Variants in DNAH7 observed in about 807,000 individuals in gnomAD.
The protein encoded by DNAH7 is dynein axonemal heavy chain 7.
DNAH7 carries 397 observed loss-of-function variants against 444.6 expected under a neutral mutation model. The ratio of observed to expected loss-of-function variants is 0.89; its 90% CI spans 0.82 to 0.97. DNAH7 has a LOEUF of 0.97. DNAH7 is among the 50% of genes least tolerant of loss of function. The pLI is 0.00. For synonymous variants in DNAH7, 1,636 were observed against 1,624.4 expected (o/e 1.01, Z -0.17); for missense variants, 4,902 against 4,800.8 (o/e 1.02, Z -0.62).
intron 58 of DNAH7, among the ~76,000 whole-genome samples, chr2:195,786,129 GTATT>G (rs1166191671): frequency 6.6e-6 from 1 of 152,146 alleles, no homozygotes; most frequent in Non-Finnish European, 1.5e-5. Context: ...TGAACTCTCA[GTATT>G]TATTTTGTTC....
chr2:196,061,283 A>G (rs1291550251), intron 1 of DNAH7, among the ~76,000 whole-genome samples: 3 of 151,976 alleles, frequency 2.0e-5, no homozygotes, highest in African/African-American at 4.8e-5. Context: ...ATCCAGCCCA[A>G]ATATTTTAAA....
At chr2:195,957,200 G>GA in intron 19 of DNAH7, 61 bp downstream of exon 19, 1 of 1,384,370 alleles carries the variant, frequency 7.2e-7, no homozygotes, top group Non-Finnish European at 9.6e-7. Context: ...ATGGATTTCT[G>GA]AAAACAAAAA....
At chr2:195,758,832 A>C (rs990924315) in intron 61 of DNAH7, among the ~76,000 whole-genome samples, 15 of 152,216 alleles carry the variant, frequency 9.9e-5, no homozygotes, top group South Asian at 4.1e-4. Flanking sequence ...CCTGTGAAAG[A>C]AGCATTTAGA....
At chr2:195,934,549 T>G (rs1278841698) in intron 21 of DNAH7, 42 bp downstream of exon 21, 7 of 1,574,272 alleles carry the variant, frequency 4.4e-6, no homozygotes, top group Non-Finnish European at 5.2e-6. Flanking sequence ...AACATTCATA[T>G]TCTAGCATCC....
intron 46 of DNAH7, among the ~76,000 whole-genome samples, chr2:195,849,819 T>C (rs1274312893): frequency 6.6e-6 from 1 of 152,054 alleles, no homozygotes; most frequent in East Asian, 1.9e-4. Flanking sequence ...CCTAGGCTGG[T>C]CTCAAACTCC....
At chr2:195,944,142 T>A (rs936371177) in intron 19 of DNAH7, among the ~76,000 whole-genome samples, 3 of 151,754 alleles carry the variant, frequency 2.0e-5, no homozygotes, top group Admixed American at 6.6e-5. Flanking sequence ...AATATAATTA[T>A]TGAAGTTATG....
At chr2:195,840,660 G>A (rs1162432713) in intron 47 of DNAH7, among the ~76,000 whole-genome samples, 3 of 151,868 alleles carry the variant, frequency 2.0e-5, no homozygotes, top group African/African-American at 4.8e-5. Context: ...TAAAGCTACA[G>A]GGTAAAAAGT....
At chr2:195,930,456 A>G (rs2125388186) in intron 21 of DNAH7, among the ~76,000 whole-genome samples, 1 of 152,338 alleles carries the variant, frequency 6.6e-6, no homozygotes, top group Non-Finnish European at 1.5e-5. Context: ...CAGAAAATAT[A>G]AATCAGTACC....
rs776057156 is a variant in DNAH7, at chr2:195,756,195, G to C, written c.11524C>G (p.Pro3842Ala). 52 of 1,613,268 alleles carry C rather than the reference G, an allele frequency of 3.2e-5. No homozygotes were observed. The highest frequency in any genetic ancestry group is 2.6e-4 in the South Asian group (24 of 91,006). The part of the protein sequence containing the change: ...IPEMWMGKSY[P>A]SLKPLGSYVN... ...TAGCTGCCAAGTGGTTTAAGGCTTG[G>C]GTAGGATTTACCCATCCACATTTCT... The change falls in exon 62 of 65, where the codon CCA becomes GCA. Residue 3842 changes from proline to alanine, a missense_variant. Transcript: ENST00000312428.
intron 63 of DNAH7, among the ~76,000 whole-genome samples, chr2:195,744,422 G>T (rs1018039989): frequency 1.3e-5 from 2 of 152,170 alleles, no homozygotes; most frequent in East Asian, 3.9e-4. Context: ...TGGGGGCAGG[G>T]CACAGACAAA....
intron 8 of DNAH7, among the ~76,000 whole-genome samples, chr2:196,024,082 A>G (rs921169807): frequency 6.6e-6 from 1 of 152,330 alleles, no homozygotes; most frequent in African/African-American, 2.4e-5. Context: ...CAGATGTAAT[A>G]ATAACAGAAA....
intron 46 of DNAH7, among the ~76,000 whole-genome samples, chr2:195,851,139 T>C (rs1186723471): frequency 2.0e-5 from 3 of 152,194 alleles, no homozygotes; most frequent in East Asian, 1.9e-4. Flanking sequence ...AGAGCCCTGA[T>C]GTTTGCCATC....
intron 22 of DNAH7, among the ~76,000 whole-genome samples, chr2:195,924,263 T>A (rs901561414): frequency 2.6e-5 from 4 of 152,096 alleles, no homozygotes; most frequent in African/African-American, 7.2e-5. Context: ...CTCTACAGAA[T>A]AAAGCCTACC....
intron 36 of DNAH7, among the ~76,000 whole-genome samples, chr2:195,880,542 A>C (rs1405554967): frequency 6.6e-6 from 1 of 151,422 alleles, no homozygotes. Context: ...ACTGGGTTTC[A>C]CCGTGTTAGC....
intron 42 of DNAH7, 54 bp downstream of exon 42, chr2:195,861,663 A>G: frequency 7.8e-7 from 1 of 1,274,524 alleles, no homozygotes; most frequent in South Asian, 1.3e-5. Flanking sequence ...TTTTGCACAC[A>G]CAAGTATTTT....
In DNAH7 at chr2:195,888,794, C is replaced by A; in HGVS notation, c.5229+5G>T. 1 of 1,609,110 alleles carries A rather than the reference C, an allele frequency of 6.2e-7. No homozygotes were observed. Among genetic ancestry groups the A allele is most frequent in the South Asian group, 1.1e-5 (1 of 89,484 alleles). ...TATAAAAAGATGTCAAAATGGAGAA[C>A]TTACAGTGGCAGGGGAAGCAACTTC... On this transcript the variant is annotated splice_donor_5th_base_variant and intron_variant, in intron 32 of 64. Transcript: ENST00000312428.
chr2:195,959,013 A>G (rs1690892484), intron 18 of DNAH7, among the ~76,000 whole-genome samples: 1 of 152,188 alleles, frequency 6.6e-6, no homozygotes, highest in South Asian at 2.1e-4. Flanking sequence ...GTGAGCTGAG[A>G]TCGTGCCACT....
intron 60 of DNAH7, among the ~76,000 whole-genome samples, chr2:195,773,873 T>C (rs979002238): frequency 6.6e-6 from 1 of 152,252 alleles, no homozygotes; most frequent in Admixed American, 6.5e-5. Context: ...TTAGCTCTGA[T>C]AGCTTCCTCT....
chr2:195,747,279 T>C (rs1693482786), intron 63 of DNAH7, among the ~76,000 whole-genome samples: 1 of 152,086 alleles, frequency 6.6e-6, no homozygotes, highest in Non-Finnish European at 1.5e-5. Context: ...AACACATATA[T>C]CCTCCCAAGA....
Sources: allele counts gnomAD v4.1 joint callset (sites outside exome capture counted in the v4.1 genomes callset), GRCh38; gene constraint gnomAD v4.1.1; transcripts MANE v1.5; gene names NCBI Gene and HGNC (gene_info 2026-07-23, HGNC 2026-07-21).